Variants in B3GALT1 observed in about 807,000 individuals in gnomAD.
B3GALT1 encodes beta-1,3-galactosyltransferase 1.
A neutral mutation model predicts 23.2 loss-of-function variants in B3GALT1; 10 were observed. The observed-to-expected ratio is 0.43, with a 90% confidence interval of 0.27 to 0.73. The LOEUF is 0.73. B3GALT1 is among the 30% of genes least tolerant of loss of function. B3GALT1 has a pLI of 0.21. For synonymous variants in B3GALT1, 156 were observed against 141.5 expected, an observed-to-expected ratio of 1.10 and a Z score of -0.73; for missense variants, 299 against 405.4, an observed-to-expected ratio of 0.74 and a Z score of 2.25.
intron 1 of B3GALT1, among the ~76,000 whole-genome samples, chr2:167,316,781 T>C (rs958587167): frequency 3.3e-5 from 5 of 152,238 alleles, no homozygotes; most frequent in Admixed American, 3.3e-4. Context: ...TTTATCTTTC[T>C]TCTGCATTTC....
chr2:167,393,106 T>G (rs112077278), intron 1 of B3GALT1, among the ~76,000 whole-genome samples: 1 of 151,874 alleles, frequency 6.6e-6, no homozygotes, highest in African/African-American at 2.4e-5. Flanking sequence ...TGGTGGTGGG[T>G]GCCTGTAGTC....
chr2:167,867,115 A>G (rs1342713277), intron 4 of B3GALT1, among the ~76,000 whole-genome samples: 5 of 152,022 alleles, frequency 3.3e-5, no homozygotes, highest in African/African-American at 4.8e-5. Flanking sequence ...TTTAGTAGAG[A>G]CGGGGTTTCA....
intron 3 of B3GALT1, among the ~76,000 whole-genome samples, chr2:167,684,099 A>G (rs895169791): frequency 6.6e-6 from 1 of 152,188 alleles, no homozygotes; most frequent in African/African-American, 2.4e-5. Context: ...CACCTAATGC[A>G]AGGCATCAAA....
chr2:167,561,633 G>C (rs893391163), intron 2 of B3GALT1, among the ~76,000 whole-genome samples: 1 of 152,118 alleles, frequency 6.6e-6, no homozygotes, highest in Non-Finnish European at 1.5e-5. Context: ...TATCACCACC[G>C]ATCCCACAGA....
intron 1 of B3GALT1, among the ~76,000 whole-genome samples, chr2:167,441,056 A>G (rs541904857): frequency 4.0e-4 from 61 of 152,302 alleles, no homozygotes; most frequent in African/African-American, 1.3e-3. Context: ...TTTTTGTCTA[A>G]TGATCCTCAG....
intron 2 of B3GALT1, among the ~76,000 whole-genome samples, chr2:167,592,473 A>C (rs758892391): frequency 6.6e-6 from 1 of 152,322 alleles, no homozygotes; most frequent in South Asian, 2.1e-4. Context: ...TTCATTGAGT[A>C]TGAAATAGCA....
Position 167,496,635 on chromosome 2 carries a change from G to A in B3GALT1, c.-410+6358G>A, listed in dbSNP as rs1177651199. On this transcript the variant is annotated intron_variant, in intron 2 of 4. Coordinates refer to ENST00000392690, the MANE Select transcript of B3GALT1 (RefSeq NM_020981.4). ...ACAAAATAAAGCATATTCTATCAGG[G>A]TGTTACGGACTGAAGTTTTGTATCC... 2.6e-5 allele frequency among the ~76,000 whole-genome samples: 4 copies of A among 152,118 alleles called. No homozygotes were observed. In the East Asian group the frequency reaches 7.7e-4, roughly 29 times the overall value.
chr2:167,564,353 G>C (rs563326887), intron 2 of B3GALT1, among the ~76,000 whole-genome samples: 1 of 151,608 alleles, frequency 6.6e-6, no homozygotes, highest in Non-Finnish European at 1.5e-5. Context: ...ACGGCGGCCG[G>C]GCAGAGACGC....
intron 2 of B3GALT1, among the ~76,000 whole-genome samples, chr2:167,552,898 T>C (rs1683774476): frequency 6.6e-6 from 1 of 152,222 alleles, no homozygotes; most frequent in African/African-American, 2.4e-5. Context: ...TTTTGAAATA[T>C]GTTTCTGGTC....
intron 3 of B3GALT1, among the ~76,000 whole-genome samples, chr2:167,674,097 G>A (rs957517019): frequency 2.0e-5 from 3 of 152,048 alleles, no homozygotes; most frequent in African/African-American, 7.2e-5. Context: ...ACATGAACTA[G>A]TAGTTACCAG....
At position 167,620,774 on chromosome 2, in the gene B3GALT1, T is replaced by G. The variant is rs528506396; in HGVS notation, c.-409-26135T>G. Among the ~76,000 whole-genome samples, 99 of 152,104 alleles carry G rather than the reference T, an allele frequency of 6.5e-4. 1 individual carries two copies. Among genetic ancestry groups the G allele is most frequent in the Admixed American group, 1.1e-3 (17 of 15,264 alleles). On this transcript the variant is annotated intron_variant, in intron 2 of 4. Coordinates refer to ENST00000392690, the MANE Select transcript of B3GALT1 (RefSeq NM_020981.4). ...ATTTAGTGCCATGTTTTCAAAACTT[T>G]TAGTTAGATGTGGGCTTAATTCATT...
At chr2:167,379,109 A>G (rs1374445072) in intron 1 of B3GALT1, among the ~76,000 whole-genome samples, 1 of 152,196 alleles carries the variant, frequency 6.6e-6, no homozygotes, top group Non-Finnish European at 1.5e-5. Context: ...GGAGGGCCTC[A>G]GGAAACTTAC....
chr2:167,436,678 T>G (rs531957276), intron 1 of B3GALT1, among the ~76,000 whole-genome samples: 2 of 152,266 alleles, frequency 1.3e-5, no homozygotes, highest in Non-Finnish European at 2.9e-5. Context: ...CATCTCTTAC[T>G]TTGTATACAG....
intron 3 of B3GALT1, among the ~76,000 whole-genome samples, chr2:167,800,710 T>G (rs1349080346): frequency 1.3e-5 from 2 of 152,184 alleles, no homozygotes. Flanking sequence ...AAAGAGAGGT[T>G]TCCACTGAGG....
intron 1 of B3GALT1, among the ~76,000 whole-genome samples, chr2:167,331,111 A>G (rs1177284503): frequency 6.6e-6 from 1 of 152,108 alleles, no homozygotes; most frequent in Non-Finnish European, 1.5e-5. Flanking sequence ...GGGTATGTAA[A>G]TAGCCTCAGA....
Position 167,500,575 on chromosome 2 carries a change from C to T in B3GALT1, c.-410+10298C>T, listed in dbSNP as rs1002883292. On this transcript the variant is annotated intron_variant, in intron 2 of 4. Transcript: ENST00000392690. ...TGGTTATGTTCTTCCCTAGAGTAAC[C>T]GCAGATAGATAAGAGGCTCTGTGCT... Among the ~76,000 whole-genome samples the T allele has an allele frequency of 3.1e-4, 46 of 150,256 alleles. 1 individual carries two copies. The highest frequency in any genetic ancestry group is 1.1e-3 in the African/African-American group (42 of 39,802).
intron 4 of B3GALT1, among the ~76,000 whole-genome samples, chr2:167,835,630 G>A (rs528889270): frequency 2.0e-5 from 3 of 152,338 alleles, no homozygotes; most frequent in African/African-American, 7.2e-5. Flanking sequence ...AAAGACAGCA[G>A]TAACCTCTGC....
intron 4 of B3GALT1, among the ~76,000 whole-genome samples, chr2:167,834,177 C>T (rs1394497052): frequency 6.6e-6 from 1 of 152,152 alleles, no homozygotes; most frequent in African/African-American, 2.4e-5. Context: ...TGTGGGTCAT[C>T]ATGTCTTTAT....
At chr2:167,458,154 C>T (rs938805086) in intron 1 of B3GALT1, among the ~76,000 whole-genome samples, 1 of 152,138 alleles carries the variant, frequency 6.6e-6, no homozygotes, top group African/African-American at 2.4e-5. Flanking sequence ...ACAACCACCA[C>T]CCTACTTTTT....
Sources: allele counts gnomAD v4.1 joint callset (sites outside exome capture counted in the v4.1 genomes callset), GRCh38; gene constraint gnomAD v4.1.1; transcripts MANE v1.5; gene names NCBI Gene and HGNC (gene_info 2026-07-23, HGNC 2026-07-21).